The following UQCC1 variants were observed in gnomAD, a reference collection of about 807,000 sequenced individuals.
UQCC1 encodes ubiquinol-cytochrome c reductase complex assembly factor 1.
UQCC1 carries 38 observed loss-of-function variants against 48.0 expected under a neutral mutation model. The ratio of observed to expected loss-of-function variants is 0.79; its 90% CI spans 0.61 to 1.04. The LOEUF is 1.04. Among genes scored for constraint, UQCC1 ranks in the 50% least tolerant of loss-of-function variants. The pLI is 0.00. For synonymous variants in UQCC1, 111 were observed against 129.2 expected, an observed-to-expected ratio of 0.86 and a Z score of 0.95; for missense variants, 368 against 381.8, an observed-to-expected ratio of 0.96 and a Z score of 0.30.
At chr20:35,360,223 T>G (rs927664634) in intron 6 of UQCC1, among the ~76,000 whole-genome samples, 7 of 152,172 alleles carry the variant, frequency 4.6e-5, no homozygotes, top group African/African-American at 1.7e-4. Context: ...AAAGAGGATG[T>G]GCACATGGCC....
At chr20:35,331,484 C>T (rs763169515) in intron 7 of UQCC1, among the ~76,000 whole-genome samples, 14 of 151,644 alleles carry the variant, frequency 9.2e-5, no homozygotes, top group Non-Finnish European at 1.6e-4. Flanking sequence ...TCACTGGGAA[C>T]CACAAAGGGC....
chr20:35,308,666 T>C (rs2060954030), intron 8 of UQCC1, among the ~76,000 whole-genome samples: 1 of 152,236 alleles, frequency 6.6e-6, no homozygotes, highest in Admixed American at 6.5e-5. Context: ...TAGCTCCTAA[T>C]GATTATGTTT....
At chr20:35,409,431 T>C (rs564613407) in intron 1 of UQCC1, 22 of 172,132 alleles carry the variant, frequency 1.3e-4, no homozygotes, top group African/African-American at 1.9e-4. Flanking sequence ...GATCACGCCA[T>C]TGCACTCCAG....
At chr20:35,393,729 T>C (rs1470338668) in intron 2 of UQCC1, among the ~76,000 whole-genome samples, 1 of 152,098 alleles carries the variant, frequency 6.6e-6, no homozygotes, top group African/African-American at 2.4e-5. Context: ...TTTCTTGGAT[T>C]TTATATTCAT....
At chr20:35,355,257 G>A (rs536329078) in intron 6 of UQCC1, among the ~76,000 whole-genome samples, 2 of 152,254 alleles carry the variant, frequency 1.3e-5, no homozygotes, top group East Asian at 1.9e-4. Context: ...AAACTCTACC[G>A]CAAATCTCAT....
At chr20:35,339,111 G>T (rs572944209) in intron 7 of UQCC1, among the ~76,000 whole-genome samples, 1 of 151,458 alleles carries the variant, frequency 6.6e-6, no homozygotes, top group African/African-American at 2.4e-5. Flanking sequence ...AAAGGGGGAG[G>T]GTAGTTAGAG....
chr20:35,316,810 T>G (rs908810187), intron 7 of UQCC1, among the ~76,000 whole-genome samples: 1 of 151,696 alleles, frequency 6.6e-6, no homozygotes, highest in African/African-American at 2.4e-5. Context: ...AGCTAATTTT[T>G]TCTATTTTTA....
chr20:35,345,823 A>C (rs1271027596), intron 7 of UQCC1: 1 of 152,188 alleles, frequency 6.6e-6, no homozygotes. Context: ...TTTGCCCTGT[A>C]ATGAAAGAAA....
rs550026669 is a variant in UQCC1, at chr20:35,402,991, C to T, written c.25-8795G>A. Among the ~76,000 whole-genome samples, 592 of 151,464 alleles carry T rather than the reference C, an allele frequency of 3.9e-3. 1 individual carries two copies. Among genetic ancestry groups the T allele is most frequent in the Non-Finnish European group, 6.1e-3 (412 of 67,838 alleles). ...CTGAGGCAGGAGAATTGCTTGAACC[C>T]GGGAGGCGGAGGTTGCAGTGACCTG... On this transcript the variant is annotated intron_variant, in intron 1 of 9. Coordinates refer to ENST00000374385, the MANE Select transcript of UQCC1 (RefSeq NM_018244.5).
intron 5 of UQCC1, among the ~76,000 whole-genome samples, chr20:35,370,235 T>TC (rs1172258478): frequency 3.5e-3 from 446 of 126,240 alleles, no homozygotes; most frequent in Non-Finnish European, 6.8e-3. Context: ...CTCTTGTTTC[T>TC]TTTTTTTTTT....
At chr20:35,314,544 C>T in intron 8 of UQCC1, 144 bp downstream of exon 8, 1 of 553,160 alleles carries the variant, frequency 1.8e-6, no homozygotes, top group South Asian at 3.2e-5. Context: ...TCTCGCTGCC[C>T]AGTTGATGAA....
At chr20:35,403,870 T>C (rs1046771405) in intron 1 of UQCC1, among the ~76,000 whole-genome samples, 1 of 152,088 alleles carries the variant, frequency 6.6e-6, no homozygotes, top group South Asian at 2.1e-4. Context: ...ATGAGAACAC[T>C]TGGACACAGG....
chr20:35,328,852 T>C (rs1286257007), intron 7 of UQCC1, among the ~76,000 whole-genome samples: 2 of 152,192 alleles, frequency 1.3e-5, no homozygotes, highest in Non-Finnish European at 1.5e-5. Flanking sequence ...CTCATATCTT[T>C]CTCGTTCGTC....
chr20:35,324,930 A>G (rs2061176070), intron 7 of UQCC1, among the ~76,000 whole-genome samples: 1 of 152,256 alleles, frequency 6.6e-6, no homozygotes, highest in Non-Finnish European at 1.5e-5. Context: ...AAAAGGTGGA[A>G]ACAACCCAAG....
intron 5 of UQCC1, among the ~76,000 whole-genome samples, chr20:35,371,717 A>AAAC (rs1568688698): frequency 2.0e-5 from 3 of 151,224 alleles, no homozygotes; most frequent in African/African-American, 7.3e-5. Flanking sequence ...AAAAAAAAAA[A>AAAC]AAAACAGGCT....
chr20:35,389,456 A>G (rs2061987108), intron 2 of UQCC1, among the ~76,000 whole-genome samples: 1 of 151,396 alleles, frequency 6.6e-6, no homozygotes, highest in African/African-American at 2.4e-5. Context: ...CAAGCTATTC[A>G]GGAGGCTGAG....
intron 1 of UQCC1, among the ~76,000 whole-genome samples, chr20:35,401,872 G>C (rs1445347645): frequency 6.6e-6 from 1 of 151,736 alleles, no homozygotes; most frequent in East Asian, 2.0e-4. Flanking sequence ...TGTTGGTCAG[G>C]CTGGTCTCGA....
chr20:35,316,439 C>T (rs1451426861), intron 7 of UQCC1, among the ~76,000 whole-genome samples: 1 of 152,198 alleles, frequency 6.6e-6, no homozygotes, highest in Non-Finnish European at 1.5e-5. Context: ...TCCTTACAGT[C>T]TGCCAGGGTT....
chr20:35,371,378 C>T (rs1399462368), intron 5 of UQCC1, among the ~76,000 whole-genome samples: 1 of 149,014 alleles, frequency 6.7e-6, no homozygotes, highest in Non-Finnish European at 1.5e-5. Flanking sequence ...TGCTCTGTCG[C>T]CCAGGCTGGA....
Sources: allele counts gnomAD v4.1 joint callset (sites outside exome capture counted in the v4.1 genomes callset), GRCh38; gene constraint gnomAD v4.1.1; transcripts MANE v1.5; gene names NCBI Gene and HGNC (gene_info 2026-07-23, HGNC 2026-07-21).